The following GABRR3 variants were observed in gnomAD, a reference collection of about 807,000 sequenced individuals.
The protein encoded by GABRR3 is gamma-aminobutyric acid type A receptor subunit rho3, also known as gamma-aminobutyric acid receptor subunit rho-3.
A neutral mutation model predicts 43.2 loss-of-function variants in GABRR3; 29 were observed. That is an observed-to-expected ratio of 0.67 (90% CI 0.50 to 0.92). GABRR3 has a LOEUF of 0.92. GABRR3 is among the 40% of genes least tolerant of loss of function. The pLI, the probability that GABRR3 is intolerant of heterozygous loss-of-function variation, is 0.00. For synonymous variants in GABRR3, 206 were observed against 195.9 expected, an observed-to-expected ratio of 1.05 and a Z score of -0.43; for missense variants, 576 against 572.3, an observed-to-expected ratio of 1.01 and a Z score of -0.07.
At chr3:97,994,888 T>C (rs564865653) in intron 8 of GABRR3, among the ~76,000 whole-genome samples, 260 of 152,360 alleles carry the variant, frequency 1.7e-3, no homozygotes, top group Non-Finnish European at 2.9e-3. Flanking sequence ...ATTTTCAGTA[T>C]GCCAATGTCT....
chr3:98,014,144 A>T (rs991976844), intron 4 of GABRR3, among the ~76,000 whole-genome samples: 1 of 152,244 alleles, frequency 6.6e-6, no homozygotes, highest in Non-Finnish European at 1.5e-5. Context: ...CAAACTGGGC[A>T]TGTGAACCCA....
chr3:97,995,158 G>A (rs1706519429), intron 8 of GABRR3, among the ~76,000 whole-genome samples: 1 of 151,996 alleles, frequency 6.6e-6, no homozygotes, highest in African/African-American at 2.4e-5. Context: ...TGTATTTTTA[G>A]TAGAGAGGGG....
rs562681292 is a variant in GABRR3, at chr3:97,992,798, G to A, written c.1104+54C>T. ...ACTGTCAAGAGAGGGCAATAGATAA[G>A]GGTAGTCTTTTCCACATTCCCCAAG... On this transcript the variant is annotated intron_variant, in intron 9 of 9. Coordinates refer to ENST00000621172, the Ensembl canonical transcript of GABRR3. 2.1e-3 allele frequency: 3,098 copies of A among 1,486,176 alleles called. 5 individuals carry two copies. Among genetic ancestry groups the A allele is most frequent in the Non-Finnish European group, 2.7e-3 (2,964 of 1,094,954 alleles). 92.1% of individuals were successfully genotyped at this position (1,486,176 alleles called of 1,614,324 possible).
chr3:97,988,147 C>A (rs1463378546), intron 9 of GABRR3, among the ~76,000 whole-genome samples: 2 of 151,974 alleles, frequency 1.3e-5, no homozygotes, highest in Non-Finnish European at 2.9e-5. Context: ...AAAGCCAAAC[C>A]TTGGGACCCG....
chr3:98,026,988 A>G (rs2107250298), intron 2 of GABRR3, among the ~76,000 whole-genome samples: 1 of 152,314 alleles, frequency 6.6e-6, no homozygotes, highest in East Asian at 1.9e-4. Flanking sequence ...AAGTTGGGAA[A>G]AGAAATCTGT....
At chr3:98,031,575 T>A (rs1038207490) in intron 2 of GABRR3, among the ~76,000 whole-genome samples, 1 of 151,684 alleles carries the variant, frequency 6.6e-6, no homozygotes, top group Non-Finnish European at 1.5e-5. Flanking sequence ...ACAGACCCAA[T>A]CTCTACCAAA....
At chr3:98,021,281 C>T (rs763790430) in intron 3 of GABRR3, among the ~76,000 whole-genome samples, 14 of 152,058 alleles carry the variant, frequency 9.2e-5, no homozygotes, top group Non-Finnish European at 1.9e-4. Flanking sequence ...GCATGTAAAG[C>T]CAAAACGCAG....
intron 8 of GABRR3, among the ~76,000 whole-genome samples, chr3:97,994,204 G>A (rs1559773830): frequency 6.6e-6 from 1 of 152,228 alleles, no homozygotes; most frequent in Non-Finnish European, 1.5e-5. Flanking sequence ...GCCACAGCAT[G>A]TGGACTGCTT....
At chr3:97,993,276 C>T (rs1706495602) in intron 8 of GABRR3, among the ~76,000 whole-genome samples, 1 of 152,164 alleles carries the variant, frequency 6.6e-6, no homozygotes, top group East Asian at 1.9e-4. Context: ...CAGAAGGTTT[C>T]CTTTCCTCCA....
At chr3:98,027,778 C>T (rs1288904723) in intron 2 of GABRR3, among the ~76,000 whole-genome samples, 1 of 152,144 alleles carries the variant, frequency 6.6e-6, no homozygotes, top group African/African-American at 2.4e-5. Context: ...TTTAAATAGA[C>T]ATTTACATTT....
At chr3:97,993,169 G>T in intron 8 of GABRR3, 121 bp from the exon 9 acceptor site, 1 of 683,958 alleles carries the variant, frequency 1.5e-6, no homozygotes, top group Non-Finnish European at 2.3e-6. Context: ...CAAGAGGAGG[G>T]AAGGTGTGTG....
chr3:98,020,906 G>A (rs1196550860), intron 3 of GABRR3, among the ~76,000 whole-genome samples: 42 of 144,460 alleles, frequency 2.9e-4, no homozygotes, highest in Admixed American at 1.6e-3. Context: ...GTCTCACTCA[G>A]GCTGGAGTGC....
intron 8 of GABRR3, among the ~76,000 whole-genome samples, chr3:97,994,093 G>A (rs1295192216): frequency 6.6e-6 from 1 of 152,212 alleles, no homozygotes; most frequent in African/African-American, 2.4e-5. Context: ...AGGTGCAAAT[G>A]GAATCGCTAA....
intron 2 of GABRR3, among the ~76,000 whole-genome samples, chr3:98,030,117 A>G (rs1035246413): frequency 1.3e-5 from 2 of 149,326 alleles, no homozygotes; most frequent in Non-Finnish European, 3.0e-5. Flanking sequence ...TGTCTTGGAA[A>G]AAAAAAAAAA....
chr3:98,035,097 T>C, intron 1 of GABRR3, 93 bp downstream of exon 1: 3 of 1,308,334 alleles, frequency 2.3e-6, no homozygotes, highest in South Asian at 3.0e-5. Flanking sequence ...TCAGGGGAAA[T>C]GCATTAGGGG....
intron 2 of GABRR3, among the ~76,000 whole-genome samples, 160 bp from the exon 3 acceptor site, chr3:98,025,839 T>C (rs1707008054): frequency 6.6e-6 from 1 of 152,264 alleles, no homozygotes; most frequent in South Asian, 2.1e-4. Flanking sequence ...TCAACATTTG[T>C]TCTTTATTAT....
chr3:97,993,833 C>T (rs1358467990), intron 8 of GABRR3, among the ~76,000 whole-genome samples: 1 of 150,960 alleles, frequency 6.6e-6, no homozygotes, highest in Non-Finnish European at 1.5e-5. Flanking sequence ...TCCCCTCTTC[C>T]TTTTACTTCT....
rs1706802078 is a variant in GABRR3, at chr3:98,012,224, A to G, written c.530+120T>C. 5.7e-6 allele frequency: 4 copies of G among 707,802 alleles called. No individual in the cohort carries two copies. In the South Asian group the frequency reaches 7.6e-5, roughly 14 times the overall value. The allele number at this position is 707,802 out of a possible 1,614,324, so 43.8% of individuals were successfully genotyped here. A position where few individuals can be genotyped will look rare whatever the true frequency, so the allele number is the denominator to read the frequency against. Reference sequence around the variant, plus strand: ...AATCACATCTTATGCTTGTGTCCCAATCTCCAGCAGCATTAAACAGACAGC... The same window carrying G: ...AATCACATCTTATGCTTGTGTCCCAGTCTCCAGCAGCATTAAACAGACAGC... On this transcript the variant is annotated intron_variant, in intron 5 of 9. Transcript: ENST00000621172.
chr3:98,033,520 G>A (rs1707116800), intron 2 of GABRR3, among the ~76,000 whole-genome samples: 1 of 152,116 alleles, frequency 6.6e-6, no homozygotes, highest in Non-Finnish European at 1.5e-5. Context: ...CTCTGCCACT[G>A]ATAGTGGGTT....
Sources: gnomAD v4.1 joint callset for allele counts (sites outside exome capture counted in the v4.1 genomes callset) on GRCh38, gnomAD v4.1.1 for gene constraint, MANE v1.5 for transcripts, NCBI Gene and HGNC (gene_info 2026-07-23, HGNC 2026-07-21) for gene names.